SPI1: variants seen among roughly 807,000 people sequenced by gnomAD.
SPI1 encodes the protein Spi-1 proto-oncogene.
In SPI1, 3 loss-of-function variants were observed where a neutral mutation model predicts 30.7. The ratio of observed to expected loss-of-function variants is 0.10; its 90% confidence interval spans 0.04 to 0.25. The LOEUF (loss-of-function observed/expected upper bound fraction) is 0.25. SPI1 is among the 10% of genes least tolerant of loss of function. The pLI is 1.00. For missense variants in SPI1, 261 were observed against 371.5 expected (o/e 0.70, Z 2.45); for synonymous variants, 169 against 157.1 (o/e 1.08, Z -0.56).
intron 4 of SPI1, among the ~76,000 whole-genome samples, chr11:47,355,947 A>G (rs1418209210): frequency 7.6e-6 from 1 of 131,172 alleles, no homozygotes; most frequent in African/African-American, 3.1e-5. Flanking sequence ...CTCATGCTTA[A>G]ACACAATGCA....
chr11:47,361,277 C>T (rs1245022277), intron 2 of SPI1, among the ~76,000 whole-genome samples: 1 of 152,160 alleles, frequency 6.6e-6, no homozygotes, highest in Non-Finnish European at 1.5e-5. Flanking sequence ...GGCTGACATT[C>T]CTCACACACT....
intron 4 of SPI1, among the ~76,000 whole-genome samples, chr11:47,357,863 C>T (rs2095913971): frequency 6.6e-6 from 1 of 152,022 alleles, no homozygotes; most frequent in Non-Finnish European, 1.5e-5. Context: ...CCACGCCCGG[C>T]CCACTCACAC....
At chr11:47,358,707 A>T in intron 4 of SPI1, 137 bp downstream of exon 4, 1 of 891,274 alleles carries the variant, frequency 1.1e-6, no homozygotes, top group Non-Finnish European at 1.8e-6. Flanking sequence ...CCCACAAAAC[A>T]CACACACTGG....
At chr11:47,357,151 A>G (rs2095912049) in intron 4 of SPI1, among the ~76,000 whole-genome samples, 1 of 145,404 alleles carries the variant, frequency 6.9e-6, no homozygotes, top group Non-Finnish European at 1.5e-5. Context: ...CACACCTCAT[A>G]CCTCACACAC....
At chr11:47,376,399 A>T (rs1324047726) in intron 1 of SPI1, among the ~76,000 whole-genome samples, 2 of 151,986 alleles carry the variant, frequency 1.3e-5, no homozygotes, top group African/African-American at 4.8e-5. Context: ...TATGCCTCTC[A>T]CACAGCCTGG....
chr11:47,372,529 G>A (rs1478006732), intron 2 of SPI1, among the ~76,000 whole-genome samples: 1 of 152,196 alleles, frequency 6.6e-6, no homozygotes, highest in African/African-American at 2.4e-5. Flanking sequence ...GGATGGAATA[G>A]GGAGGAAAAG....
intron 4 of SPI1, among the ~76,000 whole-genome samples, chr11:47,356,521 TGCTCA>T (rs78696268): frequency 0.69 from 103,988 of 151,304 alleles, 35,776 homozygotes; most frequent in African/African-American, 0.74. Flanking sequence ...CACTCACACC[TGCTCA>T]CACACACCTC....
At chr11:47,360,687 G>A (rs902253208) in intron 2 of SPI1, among the ~76,000 whole-genome samples, 2 of 151,932 alleles carry the variant, frequency 1.3e-5, no homozygotes, top group African/African-American at 2.4e-5. Context: ...TTAGCTGGGC[G>A]TGGTGGTAGG....
intron 4 of SPI1, among the ~76,000 whole-genome samples, chr11:47,357,178 C>A (rs1046432499): frequency 2.6e-5 from 4 of 151,546 alleles, no homozygotes; most frequent in African/African-American, 7.3e-5. Context: ...ACATCTCACA[C>A]CCACTCACAC....
intron 2 of SPI1, among the ~76,000 whole-genome samples, chr11:47,372,726 A>C (rs553931220): frequency 6.6e-6 from 1 of 152,238 alleles, no homozygotes; most frequent in South Asian, 2.1e-4. Flanking sequence ...TCCTGCCTTG[A>C]GGAATGCAGT....
chr11:47,377,283 C>T (rs1392779031), intron 1 of SPI1, among the ~76,000 whole-genome samples: 4 of 152,110 alleles, frequency 2.6e-5, no homozygotes, highest in African/African-American at 4.8e-5. Flanking sequence ...GGCTCTGAGC[C>T]AGGGCATAGT....
intron 2 of SPI1, among the ~76,000 whole-genome samples, chr11:47,366,830 A>AAGAAAAGAAG (rs2095928869): frequency 1.2e-5 from 1 of 85,624 alleles, no homozygotes; most frequent in Non-Finnish European, 3.6e-5. Flanking sequence ...TCAAAAAGAA[A>AAGAAAAGAAG]AGAAAAGAAA....
chr11:47,356,933 TTCAC>T (rs1191778970), intron 4 of SPI1, among the ~76,000 whole-genome samples: 4 of 146,900 alleles, frequency 2.7e-5, no homozygotes, highest in South Asian at 4.4e-4. Flanking sequence ...CCTCACACCA[TTCAC>T]TCACGCACAC....
chr11:47,355,170 G>A lies in SPI1; in HGVS notation c.*57C>T, dbSNP rs1201197574. 4.8e-6 allele frequency: 6 copies of A among 1,250,758 alleles called. No homozygotes were observed. The highest frequency in any genetic ancestry group is 3.0e-6 in the Non-Finnish European group (3 of 993,516). 77.5% of individuals were successfully genotyped at this position (1,250,758 alleles called of 1,614,324 possible). On this transcript the variant is annotated 3_prime_UTR_variant, in exon 5 of 5. Coordinates refer to ENST00000378538, the MANE Select transcript of SPI1 (RefSeq NM_003120.3). ...TCCTCCCTGTGTCCGGGCCGGGCGA[G>A]GGCTTAATGCTATGGCCAGCGGGGA... is the stretch of plus-strand genomic sequence containing the variant.
rs1646929274 is a variant in SPI1 at position 47,362,965 on chromosome 11, G to C, written c.143-2925C>G. ...TAACTAAAAAAAAAAGCCTGGATTA[G>C]CACTTGAACAAGCATAGAGCAAATG... On this transcript the variant is annotated intron_variant, in intron 2 of 4. Coordinates refer to ENST00000378538, the MANE Select transcript of SPI1 (RefSeq NM_003120.3). Among the ~76,000 whole-genome samples the C allele has an allele frequency of 2.0e-5, 3 of 151,864 alleles. 1 individual carries two copies. The highest frequency in any genetic ancestry group is 2.0e-4 in the Admixed American group (3 of 15,262).
At chr11:47,373,552 G>A (rs1012036353) in intron 2 of SPI1, among the ~76,000 whole-genome samples, 22 of 151,704 alleles carry the variant, frequency 1.5e-4, no homozygotes, top group African/African-American at 4.9e-4. Flanking sequence ...GGATGTTGAG[G>A]CAAGAGAATC....
chr11:47,357,928 G>A (rs1406896872), intron 4 of SPI1, among the ~76,000 whole-genome samples: 2 of 150,960 alleles, frequency 1.3e-5, no homozygotes, highest in Non-Finnish European at 3.0e-5. Context: ...ACACATACCT[G>A]TTCACACACA....
At chr11:47,360,200 TGAG>T (rs1033729780) in intron 2 of SPI1, among the ~76,000 whole-genome samples, 160 bp from the exon 3 acceptor site, 2 of 152,156 alleles carry the variant, frequency 1.3e-5, no homozygotes, top group East Asian at 1.9e-4. Flanking sequence ...ATTTTATAGA[TGAG>T]GACACTGAGG....
Position 47,375,730 on chromosome 11 carries a change from C to T in SPI1, c.46-1G>A, listed in dbSNP as rs1356404374. 1 of 1,613,036 alleles carries T rather than the reference C, an allele frequency of 6.2e-7. No homozygotes were observed. Among genetic ancestry groups the T allele is most frequent in the Non-Finnish European group, 8.5e-7 (1 of 1,179,400 alleles). On this transcript the variant is annotated splice_acceptor_variant, in intron 1 of 4. Transcript: ENST00000378538. LOFTEE classifies it high-confidence loss of function. The surrounding 1 kb of genome is among the most constrained non-coding windows in gnomAD (Gnocchi z 4.2). ...CATAGGGCACCAGGTCTTCTGATGG[C>T]TGCTGAGAGAGGAGGTGTCAGGGCC...
Sources: allele counts gnomAD v4.1 joint callset (sites outside exome capture counted in the v4.1 genomes callset), GRCh38; gene constraint gnomAD v4.1.1; non-coding constraint Gnocchi (gnomAD v3.1); transcripts MANE v1.5; gene names NCBI Gene and HGNC (gene_info 2026-07-23, HGNC 2026-07-21).